The following ASTN2 variants were observed in gnomAD, a reference collection of about 807,000 sequenced individuals.
ASTN2 encodes astrotactin 2, also known as astrotactin-2.
A neutral mutation model predicts 139.8 loss-of-function variants in ASTN2; 54 were observed. That is an observed-to-expected ratio of 0.39 (90% CI 0.31 to 0.48). ASTN2 has a LOEUF of 0.48. Ranked by LOEUF, ASTN2 falls within the 20% of genes least tolerant of loss-of-function variation. The probability of loss-of-function intolerance (pLI) is 0.95; values close to 1 mark genes in which losing one functional copy is unlikely to be tolerated. For synonymous variants in ASTN2, 756 were observed against 719.5 expected, an observed-to-expected ratio of 1.05 and a Z score of -0.81; for missense variants, 1,565 against 1,725.1, an observed-to-expected ratio of 0.91 and a Z score of 1.64.
intron 12 of ASTN2, among the ~76,000 whole-genome samples, chr9:116,810,015 TC>T (rs1477208621): frequency 6.6e-6 from 1 of 152,206 alleles, no homozygotes; most frequent in Non-Finnish European, 1.5e-5. Flanking sequence ...GACCATGCGT[TC>T]CCGATGCATT....
intron 10 of ASTN2, among the ~76,000 whole-genome samples, chr9:116,945,609 TCTCC>T (rs1009001258): frequency 6.6e-6 from 1 of 152,092 alleles, no homozygotes; most frequent in Non-Finnish European, 1.5e-5. Context: ...TTTCTCCCTT[TCTCC>T]CTCCCTTCTG....
chr9:116,652,402 A>G (rs150081125), intron 16 of ASTN2, among the ~76,000 whole-genome samples: 1 of 152,330 alleles, frequency 6.6e-6, no homozygotes, highest in Admixed American at 6.5e-5. Flanking sequence ...TTATTCAATA[A>G]TTTTGCAAGA....
intron 13 of ASTN2, among the ~76,000 whole-genome samples, chr9:116,787,942 A>T (rs1830420965): frequency 6.6e-6 from 1 of 152,240 alleles, no homozygotes; most frequent in Admixed American, 6.5e-5. Flanking sequence ...GGGTATATGG[A>T]AACTCTCTGT....
chr9:117,038,283 C>G (rs562365589), intron 6 of ASTN2, among the ~76,000 whole-genome samples: 12 of 152,098 alleles, frequency 7.9e-5, no homozygotes, highest in Non-Finnish European at 1.8e-4. Context: ...GGGTAAGGAT[C>G]TCAAAAACGT....
At chr9:116,441,785 G>T (rs1464088458) in intron 21 of ASTN2, among the ~76,000 whole-genome samples, 4 of 151,776 alleles carry the variant, frequency 2.6e-5, no homozygotes, top group African/African-American at 9.7e-5. Context: ...GTCACATTTT[G>T]CTAGACTTGA....
intron 3 of ASTN2, among the ~76,000 whole-genome samples, chr9:117,197,865 C>T (rs920581695): frequency 9.9e-5 from 15 of 151,918 alleles, no homozygotes; most frequent in Non-Finnish European, 1.9e-4. Flanking sequence ...TAATTTTTTT[C>T]CTATAAGCAC....
At chr9:117,100,030 G>C (rs1828936735) in intron 4 of ASTN2, among the ~76,000 whole-genome samples, 1 of 152,226 alleles carries the variant, frequency 6.6e-6, no homozygotes, top group African/African-American at 2.4e-5. Context: ...TATGGATGTA[G>C]AGGGCTGGCA....
chr9:116,640,844 A>G (rs1299588949), intron 17 of ASTN2, among the ~76,000 whole-genome samples: 1 of 152,224 alleles, frequency 6.6e-6, no homozygotes, highest in East Asian at 1.9e-4. Context: ...GGTTGTTATT[A>G]GACAGGAGAC....
chr9:117,076,336 A>G (rs1049737093), intron 5 of ASTN2, among the ~76,000 whole-genome samples: 1 of 152,048 alleles, frequency 6.6e-6, no homozygotes, highest in African/African-American at 2.4e-5. Flanking sequence ...GATGGAGCAG[A>G]ATGCCTGGCA....
intron 2 of ASTN2, among the ~76,000 whole-genome samples, chr9:117,249,361 C>G (rs1342671317): frequency 6.6e-6 from 1 of 152,188 alleles, no homozygotes; most frequent in Non-Finnish European, 1.5e-5. Flanking sequence ...GCAACCTGTC[C>G]TCTTTCCTTC....
chr9:117,082,357 C>G (rs1246475727), intron 5 of ASTN2, among the ~76,000 whole-genome samples: 1 of 152,100 alleles, frequency 6.6e-6, no homozygotes, highest in Non-Finnish European at 1.5e-5. Flanking sequence ...TCATTGGGTT[C>G]CTCTAACTGT....
At chr9:116,873,407 G>A (rs1273737157) in intron 10 of ASTN2, among the ~76,000 whole-genome samples, 3 of 152,212 alleles carry the variant, frequency 2.0e-5, no homozygotes, top group African/African-American at 7.2e-5. Flanking sequence ...TGTCTTCCAA[G>A]TTACTGCTCC....
intron 22 of ASTN2, chr9:116,437,303 T>C (rs1248910557): frequency 2.1e-6 from 1 of 471,298 alleles, no homozygotes; most frequent in Admixed American, 2.3e-5. Flanking sequence ...AGTGAGCTTA[T>C]TAGCAGCACC....
chr9:117,064,910 T>C (rs1034345173), intron 5 of ASTN2, among the ~76,000 whole-genome samples: 1 of 152,056 alleles, frequency 6.6e-6, no homozygotes, highest in South Asian at 2.1e-4. Context: ...GTGGGTTGAA[T>C]TGTGGCTATT....
At chr9:116,858,973 T>C (rs1158832559) in intron 11 of ASTN2, among the ~76,000 whole-genome samples, 1 of 152,146 alleles carries the variant, frequency 6.6e-6, no homozygotes, top group Admixed American at 6.5e-5. Flanking sequence ...GGGCTAAAAT[T>C]TAGGTGTTGG....
At chr9:116,712,738 C>G (rs1259189534) in intron 16 of ASTN2, among the ~76,000 whole-genome samples, 2 of 152,194 alleles carry the variant, frequency 1.3e-5, no homozygotes, top group African/African-American at 2.4e-5. Context: ...TTTCTAGACT[C>G]AACCCGAACT....
chr9:116,786,843 G>A (rs1001962482), intron 13 of ASTN2, among the ~76,000 whole-genome samples: 12 of 152,264 alleles, frequency 7.9e-5, no homozygotes, highest in Admixed American at 3.9e-4. Flanking sequence ...TTGAGTCATG[G>A]GTCCTGGGAG....
chr9:117,120,018 G>GTGTGTGTGTGTGTATA (rs1306397698), intron 4 of ASTN2, among the ~76,000 whole-genome samples: 6 of 46,000 alleles, frequency 1.3e-4, no homozygotes, highest in Non-Finnish European at 1.6e-4. Context: ...GTGTGTGTGT[G>GTGTGTGTGTGTGTATA]TATATATATA....
intron 13 of ASTN2, among the ~76,000 whole-genome samples, chr9:116,781,992 T>C (rs1346463474): frequency 6.6e-6 from 1 of 152,160 alleles, no homozygotes; most frequent in Non-Finnish European, 1.5e-5. Flanking sequence ...CAAACCCCAG[T>C]TGGTCTAACT....
Sources: allele counts gnomAD v4.1 joint callset (sites outside exome capture counted in the v4.1 genomes callset), GRCh38; gene constraint gnomAD v4.1.1; transcripts MANE v1.5; gene names NCBI Gene and HGNC (gene_info 2026-07-23, HGNC 2026-07-21).